Variants in LAMA1 observed in about 807,000 individuals in gnomAD.
LAMA1 encodes laminin subunit alpha 1, also known as laminin subunit alpha-1.
Under a neutral mutation model 348.7 loss-of-function variants are expected in LAMA1, and 219 were observed. That is an observed-to-expected ratio of 0.63 (90% CI 0.56 to 0.70). The LOEUF is 0.70. LAMA1 is among the 30% of genes least tolerant of loss of function. The probability of loss-of-function intolerance (pLI) is 0.00; values close to 1 mark genes in which losing one functional copy is unlikely to be tolerated. For synonymous variants in LAMA1, 1,487 were observed against 1,491.0 expected, an observed-to-expected ratio of 1.00 and a Z score of 0.06; for missense variants, 3,744 against 3,888.0, an observed-to-expected ratio of 0.96 and a Z score of 0.99.
intron 4 of LAMA1, 144 bp downstream of exon 4, chr18:7,050,550 A>G (rs949454300): frequency 3.7e-6 from 4 of 1,088,452 alleles, no homozygotes; most frequent in East Asian, 2.5e-5. Flanking sequence ...GAAATTACTT[A>G]TAATAGACAT....
At chr18:7,016,760 G>A (rs2057890302) in intron 20 of LAMA1, 89 bp from the exon 21 acceptor site, 4 of 1,163,296 alleles carry the variant, frequency 3.4e-6, no homozygotes, top group Non-Finnish European at 1.2e-6. Context: ...CACACACAGG[G>A]TATTTCATAG....
At chr18:7,055,123 T>C (rs1289427759) in intron 3 of LAMA1, among the ~76,000 whole-genome samples, 2 of 151,702 alleles carry the variant, frequency 1.3e-5, no homozygotes, top group Non-Finnish European at 2.9e-5. Context: ...TGTGTGTGTG[T>C]GTGTGTGTGT....
At chr18:7,079,531 T>A (rs534470971) in intron 3 of LAMA1, 56 of 254,180 alleles carry the variant, frequency 2.2e-4, no homozygotes, top group African/African-American at 1.2e-3. Context: ...AGTCAAGAGG[T>A]TTAACACCGT....
chr18:6,975,079 C>G, intron 45 of LAMA1, 43 bp from the exon 46 acceptor site: 1 of 1,603,910 alleles, frequency 6.2e-7, no homozygotes, highest in Non-Finnish European at 8.5e-7. Flanking sequence ...ACACACTGGA[C>G]TGTTTGCTGA....
intron 1 of LAMA1, among the ~76,000 whole-genome samples, chr18:7,117,071 T>G (rs978118836): frequency 8.6e-5 from 13 of 151,710 alleles, no homozygotes; most frequent in African/African-American, 3.1e-4. Context: ...CGCCTGCGGG[T>G]CCCCCTGCCC....
chr18:7,088,157 C>T (rs2058225064), intron 1 of LAMA1, among the ~76,000 whole-genome samples: 1 of 152,186 alleles, frequency 6.6e-6, no homozygotes, highest in African/African-American at 2.4e-5. Flanking sequence ...GAAAGGCTGA[C>T]CTCAGCTCAG....
At chr18:7,021,710 T>G (rs1018922568) in intron 19 of LAMA1, among the ~76,000 whole-genome samples, 2 of 150,326 alleles carry the variant, frequency 1.3e-5, no homozygotes, top group African/African-American at 2.4e-5. Flanking sequence ...TTTTTACTAT[T>G]GAAAAATGTG....
chr18:7,020,350 T>C (rs1288655202), intron 19 of LAMA1, among the ~76,000 whole-genome samples: 3 of 152,094 alleles, frequency 2.0e-5, no homozygotes, highest in African/African-American at 7.2e-5. Context: ...GGGAAACAGA[T>C]AAATACTGGG....
chr18:6,995,471 T>C (rs371079269), intron 33 of LAMA1, 25 bp from the exon 34 acceptor site: 1 of 1,207,168 alleles, frequency 8.3e-7, no homozygotes, highest in African/African-American at 1.5e-5. Flanking sequence ...GGAAACAAAT[T>C]ACAATGCTTC....
intron 3 of LAMA1, among the ~76,000 whole-genome samples, chr18:7,069,447 A>T (rs1158846473): frequency 6.6e-6 from 1 of 152,188 alleles, no homozygotes; most frequent in East Asian, 1.9e-4. Flanking sequence ...ATGCAGTAGC[A>T]GTTTTAAAAC....
chr18:7,016,440 G>C, intron 21 of LAMA1, 51 bp downstream of exon 21: 3 of 1,608,604 alleles, frequency 1.9e-6, no homozygotes, highest in Non-Finnish European at 2.6e-6. Flanking sequence ...AGGGCCCAAG[G>C]AAAGCTCTGG....
intron 6 of LAMA1, among the ~76,000 whole-genome samples, chr18:7,045,801 C>A (rs1365462982): frequency 1.3e-5 from 2 of 152,138 alleles, no homozygotes; most frequent in Non-Finnish European, 2.9e-5. Flanking sequence ...TCAAGTGATC[C>A]ACCCGCCTCT....
intron 1 of LAMA1, among the ~76,000 whole-genome samples, chr18:7,112,641 AT>A (rs34638671): frequency 4.8e-4 from 69 of 144,984 alleles, no homozygotes; most frequent in Middle Eastern, 3.7e-3. Flanking sequence ...ATATATATAC[AT>A]TTTTTTTTTT....
chr18:6,980,889 T>C (rs945499347), intron 41 of LAMA1, among the ~76,000 whole-genome samples: 8 of 152,020 alleles, frequency 5.3e-5, no homozygotes, highest in Admixed American at 3.3e-4. Flanking sequence ...GGTCAGGAGA[T>C]TGAGACCAGC....
chr18:6,977,568 A>G (rs1334756107), intron 44 of LAMA1, among the ~76,000 whole-genome samples, 159 bp downstream of exon 44: 1 of 152,252 alleles, frequency 6.6e-6, no homozygotes, highest in Non-Finnish European at 1.5e-5. Context: ...GGCTTTAAAT[A>G]TACCAAGACA....
In LAMA1 at chr18:7,033,006, C is replaced by A; in HGVS notation, c.2141G>T (p.Gly714Val). 1 of 1,610,884 alleles carries A rather than the reference C, an allele frequency of 6.2e-7. No individual in the cohort carries two copies. The highest frequency in any genetic ancestry group is 8.5e-7 in the Non-Finnish European group (1 of 1,178,488). The change falls in exon 15 of 63, where the codon GGC becomes GTC. Residue 714 changes from glycine to valine, a missense_variant. By Grantham distance (109) the Gly-to-Val change is moderately radical. This residue lies in a region of LAMA1 where 1,529 missense variants were observed against 1,689.4 expected (regional missense o/e 0.91). Coordinates refer to ENST00000389658, the MANE Select transcript of LAMA1 (RefSeq NM_005559.4). Reference sequence around the variant, plus strand: ...CACCTCACAGGAGGTCCCTGTGTAGCCTTGCGGACATTCACAGTGCTCCAC... The same window carrying A: ...CACCTCACAGGAGGTCCCTGTGTAGACTTGCGGACATTCACAGTGCTCCAC... Reference protein sequence around the residue: ...ADVEHCECPQGYTGTSCESCL... With the variant: ...ADVEHCECPQVYTGTSCESCL...
At chr18:7,106,319 G>A (rs1219616347) in intron 1 of LAMA1, among the ~76,000 whole-genome samples, 3 of 151,884 alleles carry the variant, frequency 2.0e-5, no homozygotes, top group Non-Finnish European at 4.4e-5. Context: ...TGTTAACTGA[G>A]TGGTTCTCAA....
At position 7,015,781 on chromosome 18, in the gene LAMA1, C is replaced by T. The variant is rs1459750003; in HGVS notation, c.3067G>A (p.Val1023Met). The T allele has an allele frequency of 6.2e-7, 1 of 1,614,158 alleles. No individual in the cohort carries two copies. The highest frequency in any genetic ancestry group is 8.5e-7 in the Non-Finnish European group (1 of 1,180,034). ...CCATCCTCACATTCTTCACACTTCA[C>T]ACCCTGTGTGTGAGGGGGGCAGACA... Reference protein sequence around the residue: ...ECVCPPHTQGVKCEECEDGHW... With the variant: ...ECVCPPHTQGMKCEECEDGHW... Residue 1023 changes from valine to methionine, a missense_variant, in exon 22 of 63, where the codon GTG (valine) becomes ATG (methionine). By Grantham distance (21) the Val-to-Met change is conservative. Coordinates refer to ENST00000389658, the MANE Select transcript of LAMA1 (RefSeq NM_005559.4).
chr18:6,947,143 C>A lies in LAMA1; in HGVS notation c.8844+20G>T. 1 of 1,614,134 alleles carries A rather than the reference C, an allele frequency of 6.2e-7. No homozygotes were observed. The highest frequency in any genetic ancestry group is 1.1e-5 in the South Asian group (1 of 91,092). On this transcript the variant is annotated intron_variant, in intron 61 of 62. Coordinates refer to ENST00000389658, the MANE Select transcript of LAMA1 (RefSeq NM_005559.4). ...CTGACACTGGGGGGAGGAAGACCCT[C>A]ATGGAGAGGAAGCACCCACCTTGCC...
Sources: gnomAD v4.1 joint callset for allele counts (sites outside exome capture counted in the v4.1 genomes callset) on GRCh38, gnomAD v4.1.1 for gene constraint, gnomAD v4.1.1 regional missense constraint, MANE v1.5 for transcripts, NCBI Gene and HGNC (gene_info 2026-07-23, HGNC 2026-07-21) for gene names.